SUGCT: variants seen among roughly 807,000 people sequenced by gnomAD.
The protein encoded by SUGCT is succinyl-CoA:glutarate-CoA transferase.
In SUGCT, 41 loss-of-function variants were observed where a neutral mutation model predicts 55.0. That is an observed-to-expected ratio of 0.74 (90% CI 0.58 to 0.97). The LOEUF (loss-of-function observed/expected upper bound fraction) is 0.97. SUGCT is among the 50% of genes least tolerant of loss of function. The pLI is 0.00. For synonymous variants in SUGCT, 187 were observed against 200.4 expected, an observed-to-expected ratio of 0.93 and a Z score of 0.56; for missense variants, 568 against 547.8, an observed-to-expected ratio of 1.04 and a Z score of -0.37.
chr7:40,479,659 C>A (rs1316177919), intron 11 of SUGCT, among the ~76,000 whole-genome samples: 1 of 152,110 alleles, frequency 6.6e-6, no homozygotes, highest in Non-Finnish European at 1.5e-5. Context: ...GAGAAGAGTT[C>A]CCTTTTCTCT....
In SUGCT at chr7:40,643,424, A is replaced by G. The variant is rs140539693; in HGVS notation, c.1090-106010A>G. Reference sequence around the variant, plus strand: ...TCAGAGGTCTGGAAACTATAGTGTGAAGTGCCGGGTTCCTCTGAGTTGCTT... The same window carrying G: ...TCAGAGGTCTGGAAACTATAGTGTGGAGTGCCGGGTTCCTCTGAGTTGCTT... On this transcript the variant is annotated intron_variant, in intron 12 of 13. Coordinates refer to ENST00000335693, the MANE Select transcript of SUGCT (RefSeq NM_001193313.2). Among the ~76,000 whole-genome samples the G allele has an allele frequency of 2.8e-3, 426 of 152,290 alleles. 2 individuals carry two copies. The highest frequency in any genetic ancestry group is 9.7e-3 in the African/African-American group (404 of 41,564).
the SUGCT span, among the ~76,000 whole-genome samples, chr7:41,025,153 C>G: frequency 6.6e-6 from 1 of 151,896 alleles, no homozygotes; most frequent in Non-Finnish European, 1.5e-5. Context: ...GTTATAAAAC[C>G]CTCAAGATTT....
chr7:40,220,806 C>T (rs1787977214), intron 6 of SUGCT, among the ~76,000 whole-genome samples: 1 of 152,154 alleles, frequency 6.6e-6, no homozygotes, highest in Non-Finnish European at 1.5e-5. Context: ...TGGGCTGACT[C>T]ACCCAACACA....
chr7:40,902,278 A>G, the SUGCT span, among the ~76,000 whole-genome samples: 4 of 152,174 alleles, frequency 2.6e-5, no homozygotes, highest in African/African-American at 7.2e-5. Flanking sequence ...TATATTTTTC[A>G]ATTAAAAAAA....
At chr7:40,625,605 C>T (rs575834156) in intron 12 of SUGCT, among the ~76,000 whole-genome samples, 1 of 152,234 alleles carries the variant, frequency 6.6e-6, no homozygotes, top group African/African-American at 2.4e-5. Context: ...CCTTGAGCCT[C>T]ACCTCTTTTA....
At chr7:40,709,696 T>G (rs868639041) in intron 12 of SUGCT, among the ~76,000 whole-genome samples, 7 of 152,192 alleles carry the variant, frequency 4.6e-5, no homozygotes, top group Non-Finnish European at 1.0e-4. Context: ...GTCAGGAAGA[T>G]CTGAATGGGT....
chr7:40,371,263 T>G (rs1161422788), intron 9 of SUGCT, among the ~76,000 whole-genome samples: 1 of 152,182 alleles, frequency 6.6e-6, no homozygotes, highest in Non-Finnish European at 1.5e-5. Context: ...AAAAGTTAAA[T>G]AGTGCACAGG....
In SUGCT at chr7:40,219,283, C is replaced by T. The variant is rs531033132; in HGVS notation, c.485-18352C>T. Among the ~76,000 whole-genome samples the T allele has an allele frequency of 1.5e-4, 23 of 152,218 alleles. No individual in the cohort carries two copies. In the South Asian group the frequency reaches 2.7e-3, roughly 18 times the overall value. ...CATCTTTAAGAACTGTAACACTCAC[C>T]GCGAGGGTCCGCAGCTTAATTCTTG... On this transcript the variant is annotated intron_variant, in intron 6 of 13. Coordinates refer to ENST00000335693, the MANE Select transcript of SUGCT (RefSeq NM_001193313.2).
chr7:40,142,201 C>G (rs1217883580), intron 1 of SUGCT, among the ~76,000 whole-genome samples: 1 of 151,862 alleles, frequency 6.6e-6, no homozygotes, highest in Non-Finnish European at 1.5e-5. Context: ...CAGGGTGGAG[C>G]AGGTAATTGG....
chr7:40,614,024 T>C (rs1479906450), intron 12 of SUGCT, among the ~76,000 whole-genome samples: 4 of 152,192 alleles, frequency 2.6e-5, no homozygotes, highest in Non-Finnish European at 2.9e-5. Flanking sequence ...CGTATGTCTA[T>C]GGTTTTTAGT....
chr7:40,712,919 C>T (rs1297301546), intron 12 of SUGCT, among the ~76,000 whole-genome samples: 1 of 152,250 alleles, frequency 6.6e-6, no homozygotes, highest in South Asian at 2.1e-4. Context: ...AAACGTCTTC[C>T]ACATCCCTTT....
intron 3 of SUGCT, among the ~76,000 whole-genome samples, chr7:40,187,450 G>A (rs868645266): frequency 3.3e-5 from 5 of 151,468 alleles, no homozygotes; most frequent in Admixed American, 6.6e-5. Flanking sequence ...AAAAAAAAAA[G>A]AATTGTGTGG....
intron 13 of SUGCT, among the ~76,000 whole-genome samples, chr7:40,791,836 A>C (rs1222287364): frequency 6.6e-6 from 1 of 152,148 alleles, no homozygotes; most frequent in Non-Finnish European, 1.5e-5. Context: ...TACTTAAGTG[A>C]ATTGGTTTGT....
At chr7:40,516,632 T>C (rs1018694171) in intron 12 of SUGCT, among the ~76,000 whole-genome samples, 5 of 152,102 alleles carry the variant, frequency 3.3e-5, no homozygotes, top group African/African-American at 1.2e-4. Flanking sequence ...CTGGCACCCT[T>C]GTTGAAAACC....
intron 1 of SUGCT, among the ~76,000 whole-genome samples, chr7:40,175,108 CT>C (rs1208849801): frequency 6.6e-6 from 1 of 152,052 alleles, no homozygotes; most frequent in Non-Finnish European, 1.5e-5. Flanking sequence ...TTCTTTCTTA[CT>C]GATATGTGAG....
At chr7:40,828,143 C>T (rs375549460) in intron 13 of SUGCT, among the ~76,000 whole-genome samples, 13 of 152,338 alleles carry the variant, frequency 8.5e-5, no homozygotes, top group African/African-American at 2.9e-4. Context: ...GAGGATAGAA[C>T]AGTAACAGTA....
intron 13 of SUGCT, among the ~76,000 whole-genome samples, chr7:40,787,361 A>G (rs983103275): frequency 6.6e-6 from 1 of 152,166 alleles, no homozygotes; most frequent in Non-Finnish European, 1.5e-5. Context: ...TTCTTGGTGC[A>G]TGGCATAATG....
At chr7:40,383,971 G>A (rs565248387) in intron 9 of SUGCT, among the ~76,000 whole-genome samples, 11 of 152,196 alleles carry the variant, frequency 7.2e-5, no homozygotes, top group South Asian at 2.1e-4. Flanking sequence ...CTCTTTGTTC[G>A]AGGCTCAGTC....
chr7:40,449,806 C>A (rs911272155), intron 10 of SUGCT, among the ~76,000 whole-genome samples: 1 of 152,018 alleles, frequency 6.6e-6, no homozygotes, highest in East Asian at 1.9e-4. Flanking sequence ...AATTTTAAAA[C>A]TTTTTTTCAA....
Sources: gnomAD v4.1 joint callset for allele counts (sites outside exome capture counted in the v4.1 genomes callset) on GRCh38, gnomAD v4.1.1 for gene constraint, MANE v1.5 for transcripts, NCBI Gene and HGNC (gene_info 2026-07-23, HGNC 2026-07-21) for gene names.